Variants in TRPC5 observed in about 807,000 individuals in gnomAD.
TRPC5 encodes transient receptor potential cation channel subfamily C member 5.
In TRPC5, 9 loss-of-function variants were observed where a neutral mutation model predicts 56.5. That is an observed-to-expected ratio of 0.16 (90% CI 0.10 to 0.28). The LOEUF is 0.28. TRPC5 is among the 10% of genes least tolerant of loss of function. The pLI is 1.00. For synonymous variants in TRPC5, 282 were observed against 278.5 expected (o/e 1.01, Z -0.13); for missense variants, 469 against 748.9 (o/e 0.63, Z 4.36).
At chrX:111,908,000 T>C (rs889033493) in intron 3 of TRPC5, among the ~76,000 whole-genome samples, 2 of 111,882 alleles carry the variant, frequency 1.8e-5, no homozygotes, top group Non-Finnish European at 3.8e-5. Context: ...TAAATTTATA[T>C]GCTAAAGTTA....
intron 1 of TRPC5, among the ~76,000 whole-genome samples, chrX:112,014,673 TC>T (rs1318215730): frequency 8.9e-6 from 1 of 111,859 alleles, no homozygotes; most frequent in East Asian, 2.8e-4. Flanking sequence ...TGCCTTTCCT[TC>T]CCCTTCTCAA....
At position 112,047,364 on chromosome X, in the gene TRPC5, AC is replaced by A. The variant is rs777280931; in HGVS notation, c.-22+34514del. Among the ~76,000 whole-genome samples, 13 of 111,268 alleles carry A rather than the reference AC, an allele frequency of 1.2e-4. No individual in the cohort carries two copies. In the South Asian group the frequency reaches 1.9e-3, roughly 17 times the overall value. The stretch of plus-strand genomic sequence containing the variant: ...TTGTTAGGACAGATTGTTAGGCCTC[AC>A]CCCCAGAATTTCTGATTCAGTTGGT... On this transcript the variant is annotated intron_variant, in intron 1 of 10. Transcript: ENST00000262839.
chrX:111,879,393 G>A (rs1337626073), intron 3 of TRPC5, among the ~76,000 whole-genome samples: 1 of 111,921 alleles, frequency 8.9e-6, no homozygotes, highest in Non-Finnish European at 1.9e-5. Flanking sequence ...ATGGTCACAG[G>A]GAATGAATGG....
At chrX:111,955,845 A>G (rs1569528565) in intron 1 of TRPC5, among the ~76,000 whole-genome samples, 1 of 112,338 alleles carries the variant, frequency 8.9e-6, no homozygotes, top group African/African-American at 3.2e-5. Context: ...TGGCAGATGC[A>G]CTAATCTGCC....
intron 1 of TRPC5, among the ~76,000 whole-genome samples, chrX:112,031,178 G>A (rs1929576226): frequency 9.0e-6 from 1 of 111,601 alleles, no homozygotes; most frequent in South Asian, 3.8e-4. Flanking sequence ...CTAAATCCTG[G>A]CTCCAACTCT....
chrX:111,781,805 G>A (rs1945922063), intron 8 of TRPC5, 130 bp downstream of exon 8: 1 of 525,623 alleles, frequency 1.9e-6, no homozygotes, highest in African/African-American at 2.4e-5. Flanking sequence ...TGAGGCATGA[G>A]AATTGCTTGA....
intron 1 of TRPC5, among the ~76,000 whole-genome samples, chrX:111,963,441 T>A (rs1270853254): frequency 8.9e-6 from 1 of 112,195 alleles, no homozygotes; most frequent in African/African-American, 3.2e-5. Flanking sequence ...CTCTGCAGAC[T>A]TAAATGTCCC....
chrX:111,776,079 C>T lies in TRPC5; in HGVS notation c.*234G>A, dbSNP rs186063884. ...TGATTAGGTGCAACACCCCTTCAGT[C>T]GGTTGTAAGATGGACTTAGTGTGTA... On this transcript the variant is annotated 3_prime_UTR_variant, in exon 11 of 11. Coordinates refer to ENST00000262839, the MANE Select transcript of TRPC5 (RefSeq NM_012471.3). The T allele has an allele frequency of 2.5e-4, 76 of 299,626 alleles. No individual in the cohort carries two copies. Among genetic ancestry groups the T allele is most frequent in the African/African-American group, 1.8e-3 (65 of 36,749 alleles). 24.7% of individuals were successfully genotyped at this position (299,626 alleles called of 1,213,427 possible).
intron 3 of TRPC5, among the ~76,000 whole-genome samples, chrX:111,875,091 G>A: frequency 8.9e-6 from 1 of 111,966 alleles, no homozygotes; most frequent in Admixed American, 9.5e-5. Context: ...TCTGTAAAAT[G>A]AGAATAATAA....
chrX:112,069,834 C>G (rs1930674110), intron 1 of TRPC5, among the ~76,000 whole-genome samples: 1 of 111,328 alleles, frequency 9.0e-6, no homozygotes, highest in Admixed American at 9.5e-5. Flanking sequence ...ATCCTGGACA[C>G]CATAAAGCTT....
chrX:112,003,662 A>C (rs760614312), intron 1 of TRPC5, among the ~76,000 whole-genome samples: 1 of 111,277 alleles, frequency 9.0e-6, no homozygotes, highest in South Asian at 3.8e-4. Context: ...CTTGGTATTT[A>C]TGACAACCAA....
At chrX:111,987,215 AC>A (rs1928233642) in intron 1 of TRPC5, among the ~76,000 whole-genome samples, 2 of 111,728 alleles carry the variant, frequency 1.8e-5, no homozygotes, top group African/African-American at 6.5e-5. Flanking sequence ...TTAGATTAAG[AC>A]TTTTTTATTG....
intron 1 of TRPC5, among the ~76,000 whole-genome samples, chrX:111,957,093 A>T (rs1361015530): frequency 8.9e-6 from 1 of 112,154 alleles, no homozygotes; most frequent in Non-Finnish European, 1.9e-5. Flanking sequence ...GATACTTTCC[A>T]GATTTTGGAG....
chrX:112,040,445 C>A (rs555723725), intron 1 of TRPC5, among the ~76,000 whole-genome samples: 2 of 111,799 alleles, frequency 1.8e-5, no homozygotes, highest in African/African-American at 6.5e-5. Flanking sequence ...TTGTTAAGAT[C>A]ATACACTTAA....
At chrX:111,818,581 T>C (rs1322876381) in intron 7 of TRPC5, among the ~76,000 whole-genome samples, 1 of 108,367 alleles carries the variant, frequency 9.2e-6, no homozygotes, top group Non-Finnish European at 1.9e-5. Context: ...CAATATTACC[T>C]ACCACTTTTC....
At chrX:111,819,926 C>T (rs757293699) in intron 7 of TRPC5, among the ~76,000 whole-genome samples, 1 of 111,980 alleles carries the variant, frequency 8.9e-6, no homozygotes, top group Non-Finnish European at 1.9e-5. Flanking sequence ...ACTCGGGAAG[C>T]CTGTTTCCTC....
intron 1 of TRPC5, among the ~76,000 whole-genome samples, chrX:112,045,930 G>A (rs1389007013): frequency 9.0e-6 from 1 of 111,329 alleles, no homozygotes; most frequent in Non-Finnish European, 1.9e-5. Flanking sequence ...TTCTCAACTT[G>A]AGGAGATTCC....
intron 2 of TRPC5, among the ~76,000 whole-genome samples, chrX:111,924,651 G>A (rs1461460142): frequency 2.7e-5 from 3 of 112,332 alleles, no homozygotes; most frequent in African/African-American, 9.7e-5. Context: ...AAGGTTACAT[G>A]ATACAATTGG....
At chrX:111,915,235 T>C (rs1434618421) in intron 2 of TRPC5, among the ~76,000 whole-genome samples, 1 of 112,357 alleles carries the variant, frequency 8.9e-6, no homozygotes, top group Non-Finnish European at 1.9e-5. Context: ...TTGTTGTCTA[T>C]GCCTAGAATA....
Sources: gnomAD v4.1 joint callset for allele counts (sites outside exome capture counted in the v4.1 genomes callset) on GRCh38, gnomAD v4.1.1 for gene constraint, MANE v1.5 for transcripts, NCBI Gene and HGNC (gene_info 2026-07-23, HGNC 2026-07-21) for gene names.